The following TOGARAM2 variants were observed in gnomAD, a reference collection of about 807,000 sequenced individuals.
TOGARAM2 encodes the protein TOG array regulator of axonemal microtubules 2, also known as TOG array regulator of axonemal microtubules protein 2.
In TOGARAM2, 85 loss-of-function variants were observed where a neutral mutation model predicts 93.3. That is an observed-to-expected ratio of 0.91 (90% confidence interval 0.76 to 1.09). The LOEUF (loss-of-function observed/expected upper bound fraction) is 1.09, where lower values mean the gene tolerates loss of function less well. Ranked by LOEUF, TOGARAM2 falls within the 50% of genes least tolerant of loss-of-function variation. The probability of loss-of-function intolerance (pLI) is 0.00; values close to 1 mark genes in which losing one functional copy is unlikely to be tolerated. For synonymous variants in TOGARAM2, 593 were observed against 552.8 expected (o/e 1.07, Z -1.02); for missense variants, 1,277 against 1,334.5 (o/e 0.96, Z 0.67).
rs1294966656 is a variant in TOGARAM2 at position 29,005,465 on chromosome 2, CTGCATGTGTGTGCATGTG to C, written c.830+1796_830+1813del. Among the ~76,000 whole-genome samples the C allele has an allele frequency of 7.1e-5, 4 of 56,506 alleles. No homozygotes were observed. The East Asian group carries it at 1.6e-3, about 23-fold the overall frequency. The allele number at this position is 56,506 out of a possible 152,430, so 37.1% of individuals were successfully genotyped here. ...TGCATGTATGTGAGAGCATGTGTGA[CTGCATGTGTGTGCATGTG>C]TGCATGTGTGTGAGTGCATGTGTTT... On this transcript the variant is annotated intron_variant, in intron 6 of 19. Coordinates refer to ENST00000379558, the MANE Select transcript of TOGARAM2 (RefSeq NM_199280.4).
chr2:28,965,094 A>G (rs945928402), intron 1 of TOGARAM2, among the ~76,000 whole-genome samples: 11 of 152,222 alleles, frequency 7.2e-5, no homozygotes, highest in African/African-American at 2.7e-4. Flanking sequence ...GAACTAATTT[A>G]CATTCCCACC....
At chr2:28,971,053 G>C (rs1671942147) in intron 1 of TOGARAM2, 1 of 152,222 alleles carries the variant, frequency 6.6e-6, no homozygotes, top group African/African-American at 2.4e-5. Flanking sequence ...AGGCCTGGAG[G>C]CTGCAGACCC....
At position 28,994,824 on chromosome 2, in the gene TOGARAM2, C is replaced by A; in HGVS notation, c.-11C>A. Reference sequence around the variant, plus strand: ...CTGGGCAACCTTGTAGGCACCTTCTCCACCCAGGACATGGGCACCCGTGAC... The same window carrying A: ...CTGGGCAACCTTGTAGGCACCTTCTACACCCAGGACATGGGCACCCGTGAC... On this transcript the variant is annotated 5_prime_UTR_variant, in exon 2 of 20. Transcript: ENST00000379558. 6.4e-7 allele frequency: 1 copy of A among 1,552,170 alleles called. No homozygotes were observed. The highest frequency in any genetic ancestry group is 1.2e-5 in the South Asian group (1 of 84,060).
chr2:28,960,796 T>C (rs2148212838), intron 1 of TOGARAM2, among the ~76,000 whole-genome samples: 1 of 152,352 alleles, frequency 6.6e-6, no homozygotes, highest in East Asian at 1.9e-4. Context: ...AGGTGGCCAG[T>C]GAGCACCTAA....
intron 6 of TOGARAM2, among the ~76,000 whole-genome samples, chr2:29,006,167 G>A (rs892504456): frequency 1.5e-5 from 2 of 137,884 alleles, no homozygotes; most frequent in East Asian, 2.3e-4. Context: ...ACATGTGTGA[G>A]CATGTGTGAC....
At chr2:29,014,277 C>T (rs1257716794) in intron 7 of TOGARAM2, 118 bp from the exon 8 acceptor site, 4 of 1,252,816 alleles carry the variant, frequency 3.2e-6, no homozygotes, top group East Asian at 2.5e-5. Context: ...AGGTCTTGCT[C>T]CATTGAGGAA....
chr2:28,963,776 G>A (rs1250947498), intron 1 of TOGARAM2, among the ~76,000 whole-genome samples: 1 of 152,204 alleles, frequency 6.6e-6, no homozygotes, highest in African/African-American at 2.4e-5. Context: ...GGGAGGCCGA[G>A]GTGAGCGGAT....
At chr2:29,048,845 A>ATATT (rs1351357783) in intron 19 of TOGARAM2, 5 of 98,666 alleles carry the variant, frequency 5.1e-5, no homozygotes, top group African/African-American at 1.7e-4. Context: ...CACCCAGCTA[A>ATATT]TTTTTTTTTT....
intron 1 of TOGARAM2, among the ~76,000 whole-genome samples, chr2:28,971,386 A>G (rs2148222451): frequency 6.6e-6 from 1 of 151,794 alleles, no homozygotes; most frequent in Non-Finnish European, 1.5e-5. Context: ...TAATTTTTAG[A>G]TTTTTTGTAG....
intron 1 of TOGARAM2, among the ~76,000 whole-genome samples, chr2:28,975,083 T>C (rs1572619804): frequency 2.0e-5 from 3 of 152,262 alleles, no homozygotes; most frequent in Admixed American, 1.3e-4. Context: ...ATTTTTTTTT[T>C]CCCTTTACTC....
rs535620263 is a variant in TOGARAM2, at chr2:28,975,395, T to A, written c.-147+18698T>A. Among the ~76,000 whole-genome samples the A allele has an allele frequency of 1.4e-4, 21 of 152,078 alleles. No homozygotes were observed. In the East Asian group the frequency reaches 3.5e-3, roughly 25 times the overall value. On this transcript the variant is annotated intron_variant, in intron 1 of 6. Coordinates refer to the TOGARAM2 transcript ENST00000401723. ...AGTAGAGACGGGGTTTCACTGTGTTTGCCAGGATGGTCTCGATCTCCTGAC... is the reference window on the plus strand; with the variant it reads ...AGTAGAGACGGGGTTTCACTGTGTTAGCCAGGATGGTCTCGATCTCCTGAC...
In TOGARAM2 at chr2:29,024,128, C is replaced by A; in HGVS notation, c.1618-11C>A. The A allele has an allele frequency of 6.4e-7, 1 of 1,560,166 alleles. No homozygotes were observed. On this transcript the variant is annotated splice_polypyrimidine_tract_variant and intron_variant, in intron 12 of 19. Coordinates refer to ENST00000379558, the MANE Select transcript of TOGARAM2 (RefSeq NM_199280.4). Reference sequence around the variant, plus strand: ...TCCAGCACCCTGGAGGGCCTCTCTCCTCTCTCCAAGGTCACCAACCTGCGG... The same window carrying A: ...TCCAGCACCCTGGAGGGCCTCTCTCATCTCTCCAAGGTCACCAACCTGCGG...
intron 19 of TOGARAM2, chr2:29,047,078 C>T (rs1160714980): frequency 3.3e-5 from 5 of 152,974 alleles, no homozygotes; most frequent in Admixed American, 6.5e-5. Flanking sequence ...CACCAGCTGC[C>T]CTTTCAGCTT....
intron 16 of TOGARAM2, among the ~76,000 whole-genome samples, chr2:29,035,150 CAAAAAA>C (rs5830098): frequency 9.8e-6 from 1 of 102,554 alleles, no homozygotes; most frequent in Non-Finnish European, 2.1e-5. Context: ...GACTCTGCCT[CAAAAAA>C]AAAAAAAAAA....
intron 1 of TOGARAM2, among the ~76,000 whole-genome samples, chr2:28,982,501 C>T (rs984810850): frequency 1.3e-5 from 2 of 152,198 alleles, no homozygotes; most frequent in African/African-American, 4.8e-5. Context: ...CACCAATGCC[C>T]TGCAGGAGAC....
At chr2:29,005,909 G>C (rs1016535650) in intron 6 of TOGARAM2, among the ~76,000 whole-genome samples, 3 of 150,566 alleles carry the variant, frequency 2.0e-5, no homozygotes, top group African/African-American at 7.4e-5. Flanking sequence ...GAGTGCGTGT[G>C]TGTAAGTGCA....
chr2:29,011,239 C>A (rs368459632), intron 6 of TOGARAM2, among the ~76,000 whole-genome samples: 1 of 152,228 alleles, frequency 6.6e-6, no homozygotes, highest in East Asian at 1.9e-4. Flanking sequence ...TGGGGCTGAA[C>A]CTGGCCTGGT....
chr2:28,973,581 G>T (rs1245567095), intron 1 of TOGARAM2, among the ~76,000 whole-genome samples: 2 of 151,048 alleles, frequency 1.3e-5, no homozygotes, highest in Non-Finnish European at 2.9e-5. Flanking sequence ...GGAGTGCAGT[G>T]GTGTGATCAT....
chr2:29,042,934 C>T (rs114175537), intron 18 of TOGARAM2, among the ~76,000 whole-genome samples: 4,514 of 152,330 alleles, frequency 0.03, 229 homozygotes, highest in African/African-American at 0.1. Flanking sequence ...TCTAAACTTG[C>T]TGAGTCACTC....
Sources: allele counts gnomAD v4.1 joint callset (sites outside exome capture counted in the v4.1 genomes callset), GRCh38; gene constraint gnomAD v4.1.1; transcripts MANE v1.5; gene names NCBI Gene and HGNC (gene_info 2026-07-23, HGNC 2026-07-21).